Variants in TLL1 observed in about 807,000 individuals in gnomAD.
The protein encoded by TLL1 is tolloid like 1.
Under a neutral mutation model 128.2 loss-of-function variants are expected in TLL1, and 49 were observed. The observed-to-expected ratio is 0.38, with a 90% confidence interval of 0.30 to 0.48. The LOEUF is 0.48. Ranked by LOEUF, TLL1 falls within the 20% of genes least tolerant of loss-of-function variation. The pLI, the probability that TLL1 is intolerant of heterozygous loss-of-function variation, is 0.96. For synonymous variants in TLL1, 454 were observed against 418.8 expected (o/e 1.08, Z -1.03); for missense variants, 1,123 against 1,242.0 (o/e 0.90, Z 1.44).
chr4:165,920,948 CA>C (rs1311424260), intron 1 of TLL1, among the ~76,000 whole-genome samples: 12 of 152,128 alleles, frequency 7.9e-5, no homozygotes, highest in Admixed American at 7.9e-4. Context: ...ATTATACAAA[CA>C]AATGTTTTAC....
intron 2 of TLL1, among the ~76,000 whole-genome samples, 197 bp downstream of exon 2, chr4:165,989,688 G>T (rs1736549381): frequency 1.3e-5 from 2 of 148,914 alleles, no homozygotes; most frequent in African/African-American, 5.0e-5. Context: ...TACCAAACAG[G>T]TTGTAGTATT....
At chr4:165,960,213 A>G (rs183908396) in intron 1 of TLL1, among the ~76,000 whole-genome samples, 30 of 152,278 alleles carry the variant, frequency 2.0e-4, no homozygotes, top group African/African-American at 7.2e-4. Flanking sequence ...TCCTATGTTC[A>G]CAAACTAGAA....
At chr4:166,088,941 G>A (rs765584028) in intron 18 of TLL1, among the ~76,000 whole-genome samples, 2 of 152,142 alleles carry the variant, frequency 1.3e-5, no homozygotes, top group South Asian at 2.1e-4. Context: ...ACCAATCAAC[G>A]GACTGAACAT....
intron 1 of TLL1, among the ~76,000 whole-genome samples, chr4:165,908,865 G>A (rs892142245): frequency 2.6e-5 from 4 of 152,114 alleles, no homozygotes; most frequent in African/African-American, 9.7e-5. Flanking sequence ...GTATTTTGAA[G>A]GTAGAGCCAA....
chr4:165,950,232 T>C (rs1028720692), intron 1 of TLL1, among the ~76,000 whole-genome samples: 1 of 152,164 alleles, frequency 6.6e-6, no homozygotes, highest in African/African-American at 2.4e-5. Context: ...TTATATAGGT[T>C]TTTTTGTTTG....
In TLL1 at chr4:165,936,620, G is replaced by A. The variant is rs75286232; in HGVS notation, c.170-52761G>A. Among the ~76,000 whole-genome samples, 998 of 152,038 alleles carry A rather than the reference G, an allele frequency of 6.6e-3. 9 individuals carry two copies. Among genetic ancestry groups the A allele is most frequent in the African/African-American group, 0.023 (949 of 41,494 alleles). ...ACTGTATACACAGTCTACTGGTATC[G>A]GCGTTTTACAACACTGAATGAAATG... On this transcript the variant is annotated intron_variant, in intron 1 of 20. Transcript: ENST00000061240.
chr4:165,947,086 G>A (rs1044463661), intron 1 of TLL1, among the ~76,000 whole-genome samples: 3 of 152,132 alleles, frequency 2.0e-5, no homozygotes, highest in African/African-American at 7.2e-5. Flanking sequence ...ATTCTTCACA[G>A]TTCTGGAGGC....
Position 166,039,334 on chromosome 4 carries a change from T to A in TLL1, c.1159-5T>A. ...CTCTGTGGGTTGCTTACCTCCATTT[T>A]GCAGATTGTTTTAAATTTTACAACG... is the stretch of plus-strand genomic sequence containing the variant. On this transcript the variant is annotated splice_polypyrimidine_tract_variant and splice_region_variant and intron_variant, in intron 9 of 20. Transcript: ENST00000061240. 6.2e-7 allele frequency: 1 copy of A among 1,607,144 alleles called. No homozygotes were observed. The highest frequency in any genetic ancestry group is 8.5e-7 in the Non-Finnish European group (1 of 1,174,016).
rs940430476 is a variant in TLL1, at chr4:165,908,871, G to A, written c.169+34798G>A. 2.6e-5 allele frequency among the ~76,000 whole-genome samples: 4 copies of A among 152,210 alleles called. No homozygotes were observed. In the East Asian group the frequency reaches 7.8e-4, roughly 30 times the overall value. ...ATTCTGGATGTATTTTGAAGGTAGA[G>A]CCAACTGGATATGTTGATGAACTGA... On this transcript the variant is annotated intron_variant, in intron 1 of 20. Transcript: ENST00000061240.
chr4:165,976,887 T>G (rs1365759828), intron 1 of TLL1, among the ~76,000 whole-genome samples: 2 of 152,182 alleles, frequency 1.3e-5, no homozygotes, highest in Non-Finnish European at 2.9e-5. Context: ...ATCGTATACT[T>G]TTTAAAAACA....
chr4:166,075,100 G>GAT (rs1740963473), intron 17 of TLL1, 97 bp downstream of exon 17: 1 of 1,542,212 alleles, frequency 6.5e-7, no homozygotes, highest in Admixed American at 1.7e-5. Context: ...TTCAATGAGT[G>GAT]ATATCATGGT....
rs2110968673 is a variant in TLL1 at position 165,965,971 on chromosome 4, G to A, written c.170-23410G>A. 2.6e-5 allele frequency among the ~76,000 whole-genome samples: 4 copies of A among 152,210 alleles called. No individual in the cohort carries two copies. In the South Asian group the frequency reaches 8.3e-4, roughly 32 times the overall value. On this transcript the variant is annotated intron_variant, in intron 1 of 20. Coordinates refer to ENST00000061240, the MANE Select transcript of TLL1 (RefSeq NM_012464.5). Reference sequence around the variant, plus strand: ...TGAGGTGGGTGGATCACGAGGTCAGGAGTTCAAGACCAGCGTGGCCAAGAT... The same window carrying A: ...TGAGGTGGGTGGATCACGAGGTCAGAAGTTCAAGACCAGCGTGGCCAAGAT...
At chr4:166,040,056 C>T (rs1427821431) in intron 10 of TLL1, among the ~76,000 whole-genome samples, 1 of 152,210 alleles carries the variant, frequency 6.6e-6, no homozygotes, top group Non-Finnish European at 1.5e-5. Flanking sequence ...ACACTATTAA[C>T]TTGCATAGGC....
intron 1 of TLL1, among the ~76,000 whole-genome samples, chr4:165,897,534 G>A (rs549348309): frequency 2.2e-4 from 33 of 152,128 alleles, no homozygotes; most frequent in African/African-American, 7.7e-4. Context: ...TCAGATGGTT[G>A]TAGATGTGTG....
intron 1 of TLL1, among the ~76,000 whole-genome samples, chr4:165,898,972 C>T (rs559029074): frequency 6.6e-6 from 1 of 152,184 alleles, no homozygotes; most frequent in African/African-American, 2.4e-5. Context: ...TGTATGTGTC[C>T]AGGAATGTAT....
chr4:165,955,696 A>G (rs377651158), intron 1 of TLL1, among the ~76,000 whole-genome samples: 2 of 152,168 alleles, frequency 1.3e-5, no homozygotes, highest in African/African-American at 4.8e-5. Flanking sequence ...ACTAAGTTTC[A>G]TAAGTGAAGG....
chr4:165,981,920 C>T (rs983768541), intron 1 of TLL1, among the ~76,000 whole-genome samples: 1 of 151,942 alleles, frequency 6.6e-6, no homozygotes, highest in Non-Finnish European at 1.5e-5. Context: ...TTCTTCATTC[C>T]CTATATGAGA....
chr4:166,059,952 A>G (rs951809559), intron 14 of TLL1, 76 bp from the exon 15 acceptor site: 5 of 1,532,448 alleles, frequency 3.3e-6, no homozygotes, highest in Non-Finnish European at 4.5e-6. Flanking sequence ...ATGTTTGGGT[A>G]TTAATTAATG....
intron 1 of TLL1, among the ~76,000 whole-genome samples, chr4:165,950,424 A>G (rs1414970281): frequency 6.6e-6 from 1 of 152,092 alleles, no homozygotes; most frequent in Non-Finnish European, 1.5e-5. Context: ...ATTCAACATG[A>G]CCCAGTTGAT....
Sources: allele counts gnomAD v4.1 joint callset (sites outside exome capture counted in the v4.1 genomes callset), GRCh38; gene constraint gnomAD v4.1.1; transcripts MANE v1.5; gene names NCBI Gene and HGNC (gene_info 2026-07-23, HGNC 2026-07-21).